Variants in TTC6 observed in about 807,000 individuals in gnomAD.
TTC6 encodes tetratricopeptide repeat domain 6.
TTC6 carries 172 observed loss-of-function variants against 210.4 expected under a neutral mutation model. The ratio of observed to expected loss-of-function variants is 0.82; its 90% CI spans 0.72 to 0.93. TTC6 has a LOEUF of 0.93. Among genes scored for constraint, TTC6 ranks in the 40% least tolerant of loss-of-function variants. The probability of loss-of-function intolerance (pLI) is 0.00; values close to 1 mark genes in which losing one functional copy is unlikely to be tolerated. For missense variants in TTC6, 2,414 were observed against 2,318.1 expected (o/e 1.04, Z -0.85); for synonymous variants, 804 against 819.6 (o/e 0.98, Z 0.32).
At chr14:37,842,558 A>G (rs114915254), downstream of TTC6, 2,231 of 253,378 alleles carry the variant, frequency 8.8e-3, 52 homozygotes, top group African/African-American at 0.045. Context: ...GGAATTAAAT[A>G]GGAATGTCTC....
At chr14:37,836,631 CTG>C (rs1466514455) in intron 29 of TTC6, among the ~76,000 whole-genome samples, 2 of 152,084 alleles carry the variant, frequency 1.3e-5, no homozygotes, top group Non-Finnish European at 2.9e-5. Flanking sequence ...ACTTGATATA[CTG>C]TATGCCTGAG....
At chr14:37,830,986 A>G (rs8014372) in intron 29 of TTC6, among the ~76,000 whole-genome samples, 4,724 of 152,218 alleles carry the variant, frequency 0.031, 198 homozygotes, top group African/African-American at 0.096. Context: ...AGTTATAACT[A>G]TAGTCACTCT....
intron 1 of TTC6, among the ~76,000 whole-genome samples, chr14:37,663,284 G>A (rs2095741136): frequency 6.6e-6 from 1 of 152,048 alleles, no homozygotes; most frequent in Admixed American, 6.6e-5. Flanking sequence ...GTTGTCAGCT[G>A]AAGGAGCTTT....
intron 14 of TTC6, among the ~76,000 whole-genome samples, chr14:37,772,178 C>T (rs572003164): frequency 3.3e-5 from 5 of 152,276 alleles, no homozygotes; most frequent in South Asian, 2.1e-4. Context: ...TCTCCAGCTG[C>T]GTGCTGGGAG....
At chr14:37,687,477 C>T (rs1489103289) in intron 3 of TTC6, among the ~76,000 whole-genome samples, 2 of 152,108 alleles carry the variant, frequency 1.3e-5, no homozygotes, top group Non-Finnish European at 2.9e-5. Flanking sequence ...GGGAGGCATG[C>T]AACCTACTGA....
intron 1 of TTC6, among the ~76,000 whole-genome samples, chr14:37,604,568 T>C (rs1212932432): frequency 2.0e-5 from 3 of 152,072 alleles, no homozygotes; most frequent in Non-Finnish European, 4.4e-5. Context: ...CTTGTAGGCG[T>C]TGGGTGTCTG....
intron 6 of TTC6, among the ~76,000 whole-genome samples, chr14:37,718,232 A>T (rs141802019): frequency 6.6e-6 from 1 of 152,344 alleles, no homozygotes; most frequent in East Asian, 1.9e-4. Context: ...ACTTTAGGGA[A>T]TTATTCCAGA....
chr14:37,655,614 C>A (rs541002856), intron 1 of TTC6, among the ~76,000 whole-genome samples: 1 of 152,256 alleles, frequency 6.6e-6, no homozygotes, highest in East Asian at 1.9e-4. Context: ...CCTAACAGCT[C>A]CTCCCAGGCT....
chr14:37,753,034 A>T (rs972417900), intron 13 of TTC6, 65 bp from the exon 16 acceptor site: 1 of 1,278,172 alleles, frequency 7.8e-7, no homozygotes, highest in African/African-American at 1.5e-5. Context: ...TAGATCACTT[A>T]TGTGATTATA....
At chr14:37,832,486 A>G (rs1053856444) in intron 29 of TTC6, among the ~76,000 whole-genome samples, 5 of 151,606 alleles carry the variant, frequency 3.3e-5, no homozygotes, top group Non-Finnish European at 7.4e-5. Context: ...GGTTTGCTGC[A>G]TGTCATAGGT....
chr14:37,713,165 G>A (rs1350479518), intron 5 of TTC6, among the ~76,000 whole-genome samples: 2 of 152,106 alleles, frequency 1.3e-5, no homozygotes, highest in African/African-American at 4.8e-5. Flanking sequence ...AAACAAACCA[G>A]TAAAAAACAC....
chr14:37,809,063 C>G (rs1314799215), intron 24 of TTC6, among the ~76,000 whole-genome samples: 1 of 152,004 alleles, frequency 6.6e-6, no homozygotes, highest in African/African-American at 2.4e-5. Context: ...CTTAAGAAAC[C>G]AAAGAACCAT....
intron 14 of TTC6, among the ~76,000 whole-genome samples, chr14:37,770,866 C>A (rs1367473004): frequency 6.7e-6 from 1 of 149,242 alleles, no homozygotes; most frequent in Non-Finnish European, 1.5e-5. Flanking sequence ...CTGGTTATTT[C>A]GCTCATTAGT....
chr14:37,600,068 T>C (rs1004912252), intron 1 of TTC6, among the ~76,000 whole-genome samples: 2 of 152,144 alleles, frequency 1.3e-5, no homozygotes, highest in African/African-American at 4.8e-5. Flanking sequence ...CCCCTAGGGC[T>C]AGGGGCCTAG....
chr14:37,756,351 G>T (rs1214604529), intron 14 of TTC6, among the ~76,000 whole-genome samples: 2 of 152,108 alleles, frequency 1.3e-5, no homozygotes, highest in Non-Finnish European at 2.9e-5. Flanking sequence ...CCTTTCTCTT[G>T]CCTGATTTCA....
chr14:37,804,294 A>G (rs1416715398), intron 20 of TTC6, among the ~76,000 whole-genome samples: 2 of 152,030 alleles, frequency 1.3e-5, no homozygotes, highest in Non-Finnish European at 2.9e-5. Flanking sequence ...TTTACTACCT[A>G]GTAGCTTCCC....
intron 1 of TTC6, among the ~76,000 whole-genome samples, chr14:37,655,343 T>A (rs2095720213): frequency 6.6e-6 from 1 of 152,266 alleles, no homozygotes; most frequent in Non-Finnish European, 1.5e-5. Flanking sequence ...CATATTATTC[T>A]ATTTTTAGTT....
At chr14:37,630,253 G>A (rs2095667067) in intron 1 of TTC6, among the ~76,000 whole-genome samples, 1 of 152,162 alleles carries the variant, frequency 6.6e-6, no homozygotes, top group African/African-American at 2.4e-5. Flanking sequence ...TGCTTTAGCT[G>A]TATCCCAGAG....
chr14:37,616,802 C>T (rs1012066905), intron 2 of TTC6, among the ~76,000 whole-genome samples: 1 of 151,112 alleles, frequency 6.6e-6, no homozygotes, highest in Non-Finnish European at 1.5e-5. Flanking sequence ...AAACTGACAG[C>T]AGGCAATATT....
Sources: allele counts gnomAD v4.1 joint callset (sites outside exome capture counted in the v4.1 genomes callset), GRCh38; gene constraint gnomAD v4.1.1; transcripts MANE v1.5; gene names NCBI Gene and HGNC (gene_info 2026-07-23, HGNC 2026-07-21).